ATP8A2: variants seen among roughly 807,000 people sequenced by gnomAD.
ATP8A2 encodes ATPase phospholipid transporting 8A2, also known as phospholipid-transporting ATPase IB.
ATP8A2 carries 100 observed loss-of-function variants against 165.6 expected under a neutral mutation model. The ratio of observed to expected loss-of-function variants is 0.60; its 90% CI spans 0.51 to 0.71. The LOEUF (loss-of-function observed/expected upper bound fraction) is 0.71. ATP8A2 is among the 30% of genes least tolerant of loss of function. The pLI, the probability that ATP8A2 is intolerant of heterozygous loss-of-function variation, is 0.00. For synonymous variants in ATP8A2, 543 were observed against 548.8 expected, an observed-to-expected ratio of 0.99 and a Z score of 0.15; for missense variants, 1,227 against 1,479.5, an observed-to-expected ratio of 0.83 and a Z score of 2.80.
intron 1 of ATP8A2, among the ~76,000 whole-genome samples, chr13:25,421,768 G>T (rs2034306984): frequency 6.6e-6 from 1 of 152,230 alleles, no homozygotes; most frequent in Admixed American, 6.5e-5. Context: ...GATCTATATA[G>T]CCTGCAGTGG....
intron 1 of ATP8A2, among the ~76,000 whole-genome samples, chr13:25,398,154 A>T (rs764809700): frequency 2.6e-5 from 4 of 152,202 alleles, no homozygotes; most frequent in Non-Finnish European, 5.9e-5. Context: ...CCCACATGAG[A>T]TGGCTTTGCA....
At position 25,599,097 on chromosome 13, in the gene ATP8A2, T is replaced by C. The variant is rs549316775; in HGVS notation, c.2211+9398T>C. Reference sequence around the variant, plus strand: ...TTTCATATATATGAGAAAAAATATATGTATCTATTTTAGGGTTTTCTTTCC... The same window carrying C: ...TTTCATATATATGAGAAAAAATATACGTATCTATTTTAGGGTTTTCTTTCC... On this transcript the variant is annotated intron_variant, in intron 24 of 36. Coordinates refer to ENST00000381655, the MANE Select transcript of ATP8A2 (RefSeq NM_016529.6). Among the ~76,000 whole-genome samples, 14 of 152,240 alleles carry C rather than the reference T, an allele frequency of 9.2e-5. No homozygotes were observed. In the South Asian group the frequency reaches 2.9e-3, roughly 32 times the overall value.
intron 33 of ATP8A2, among the ~76,000 whole-genome samples, chr13:25,878,118 C>T (rs1198276728): frequency 2.0e-5 from 3 of 152,138 alleles, no homozygotes. Context: ...ACAGCATGTT[C>T]TGTAGCGTGA....
rs751712881 is a variant in ATP8A2 at position 25,559,780 on chromosome 13, G to T, written c.1397+15G>T. On this transcript the variant is annotated intron_variant, in intron 15 of 36. Transcript: ENST00000381655. ...GATGACTTCTGGTAAGTAGATTCTA[G>T]CACTTCTTGACACTTTAGTGGAAAA... is the stretch of plus-strand genomic sequence containing the variant. 1.9e-6 allele frequency: 3 copies of T among 1,595,058 alleles called. No homozygotes were observed. The highest frequency in any genetic ancestry group is 2.6e-6 in the Non-Finnish European group (3 of 1,163,178).
At chr13:25,925,784 A>G (rs971634731) in intron 33 of ATP8A2, among the ~76,000 whole-genome samples, 4 of 150,534 alleles carry the variant, frequency 2.7e-5, no homozygotes, top group African/African-American at 7.3e-5. Flanking sequence ...CAGGAGTGCA[A>G]TGGCATGATC....
chr13:25,578,877 T>C lies in ATP8A2; in HGVS notation c.1845T>C (p.His615=). The C allele has an allele frequency of 6.2e-7, 1 of 1,611,210 alleles. No homozygotes were observed. The highest frequency in any genetic ancestry group is 8.5e-7 in the Non-Finnish European group (1 of 1,177,442). The change falls in exon 21 of 37, where the codon CAT becomes CAC. Residue 615 remains histidine, a synonymous_variant. Transcript: ENST00000381655. ...AATATATGGAGGAAACATTATGCCA[T>C]CTGGAATACTTTGCCACGGAAGGTA... ...DSKYMEETLC[H]LEYFATEGLR...
At chr13:25,408,085 A>G (rs998846170) in intron 1 of ATP8A2, among the ~76,000 whole-genome samples, 8 of 135,512 alleles carry the variant, frequency 5.9e-5, no homozygotes, top group Non-Finnish European at 9.5e-5. Context: ...AAAAAAATAT[A>G]TATATATTTG....
chr13:25,813,419 T>TATG (rs1555270817), intron 27 of ATP8A2, among the ~76,000 whole-genome samples: 2 of 144,016 alleles, frequency 1.4e-5, no homozygotes, highest in Non-Finnish European at 3.1e-5. Context: ...TATGATATGA[T>TATG]ATATGATGGT....
At chr13:25,507,407 A>T (rs2037083633) in intron 2 of ATP8A2, among the ~76,000 whole-genome samples, 1 of 152,090 alleles carries the variant, frequency 6.6e-6, no homozygotes, top group South Asian at 2.1e-4. Flanking sequence ...CTGGGATTAC[A>T]GGCATGTGCC....
rs370221734 is a variant in ATP8A2, at chr13:25,540,407, A to T, written c.651+19A>T. The T allele has an allele frequency of 1.9e-6, 3 of 1,575,588 alleles. No homozygotes were observed. Among genetic ancestry groups the T allele is most frequent in the Non-Finnish European group, 1.7e-6 (2 of 1,145,106 alleles). On this transcript the variant is annotated intron_variant, in intron 8 of 36. Coordinates refer to ENST00000381655, the MANE Select transcript of ATP8A2 (RefSeq NM_016529.6). ...ACGTCAGGTAAAGTCACCTCTGATG[A>T]CTTGTGTTGTTATGGTAGACACAAC...
At chr13:25,415,143 A>G (rs1450490683) in intron 1 of ATP8A2, among the ~76,000 whole-genome samples, 1 of 152,250 alleles carries the variant, frequency 6.6e-6, no homozygotes, top group Non-Finnish European at 1.5e-5. Context: ...CAGATCCAAT[A>G]GCACAGAATG....
intron 1 of ATP8A2, among the ~76,000 whole-genome samples, chr13:25,405,914 C>T (rs2033787223): frequency 6.6e-6 from 1 of 152,190 alleles, no homozygotes; most frequent in Non-Finnish European, 1.5e-5. Flanking sequence ...TATTCTCCCA[C>T]TCATGTCTTC....
At chr13:25,992,447 C>T (rs1425570492) in intron 35 of ATP8A2, among the ~76,000 whole-genome samples, 3 of 151,894 alleles carry the variant, frequency 2.0e-5, no homozygotes, top group Non-Finnish European at 4.4e-5. Flanking sequence ...TTTATATGTT[C>T]TAGATGTTAG....
At chr13:25,560,505 G>C (rs2039110007) in intron 15 of ATP8A2, among the ~76,000 whole-genome samples, 1 of 151,924 alleles carries the variant, frequency 6.6e-6, no homozygotes, top group African/African-American at 2.4e-5. Context: ...TTCGAGACCA[G>C]CCTGGCCAAC....
chr13:25,538,131 G>A, intron 7 of ATP8A2, 70 bp downstream of exon 7: 2 of 1,196,286 alleles, frequency 1.7e-6, no homozygotes, highest in Non-Finnish European at 2.5e-6. Context: ...GCAGCACCTG[G>A]GGCAGTCTTG....
intron 24 of ATP8A2, among the ~76,000 whole-genome samples, chr13:25,676,946 T>A (rs1416666445): frequency 6.6e-6 from 1 of 152,196 alleles, no homozygotes; most frequent in Non-Finnish European, 1.5e-5. Flanking sequence ...CTCTAACTTC[T>A]TTTTTTGTTT....
At chr13:25,478,170 G>A (rs1471985889) in intron 2 of ATP8A2, among the ~76,000 whole-genome samples, 2 of 151,758 alleles carry the variant, frequency 1.3e-5, no homozygotes, top group Non-Finnish European at 2.9e-5. Flanking sequence ...CCTTACTCTC[G>A]GGGCATCAAA....
chr13:25,973,264 G>A (rs1028032080), intron 35 of ATP8A2, among the ~76,000 whole-genome samples: 3 of 152,144 alleles, frequency 2.0e-5, no homozygotes, highest in Non-Finnish European at 4.4e-5. Context: ...GTCTCCCTTC[G>A]GTTTTGTGTT....
chr13:25,660,647 CAT>C, intron 24 of ATP8A2, among the ~76,000 whole-genome samples: 1 of 149,728 alleles, frequency 6.7e-6, no homozygotes, highest in Non-Finnish European at 1.5e-5. Context: ...TTGTGGAAAA[CAT>C]AGAAGGAAAA....
Sources: gnomAD v4.1 joint callset for allele counts (sites outside exome capture counted in the v4.1 genomes callset) on GRCh38, gnomAD v4.1.1 for gene constraint, MANE v1.5 for transcripts, NCBI Gene and HGNC (gene_info 2026-07-23, HGNC 2026-07-21) for gene names.